The following DLGAP2 variants were observed in gnomAD, a reference collection of about 807,000 sequenced individuals.
The protein encoded by DLGAP2 is disks large-associated protein 2.
Under a neutral mutation model 100.3 loss-of-function variants are expected in DLGAP2, and 26 were observed. The ratio of observed to expected loss-of-function variants is 0.26; its 90% CI spans 0.19 to 0.36. DLGAP2 has a LOEUF of 0.36. Ranked by LOEUF, DLGAP2 falls within the 10% of genes least tolerant of loss-of-function variation. The pLI is 1.00. For synonymous variants in DLGAP2, 886 were observed against 630.1 expected (o/e 1.41, Z -6.08); for missense variants, 1,858 against 1,453.2 (o/e 1.28, Z -4.53).
At chr8:907,441 A>T (rs1399483977) in intron 1 of DLGAP2, among the ~76,000 whole-genome samples, 1 of 152,246 alleles carries the variant, frequency 6.6e-6, no homozygotes, top group South Asian at 2.1e-4. Context: ...ATGAATGTAA[A>T]TACAGCCCTT....
intron 2 of DLGAP2, among the ~76,000 whole-genome samples, chr8:1,133,834 T>C (rs1004752537): frequency 1.3e-5 from 2 of 152,224 alleles, no homozygotes; most frequent in East Asian, 1.9e-4. Flanking sequence ...AAAATCCGTA[T>C]TGGGAATTGA....
chr8:1,254,012 G>C (rs867115366), intron 2 of DLGAP2, among the ~76,000 whole-genome samples: 1 of 152,244 alleles, frequency 6.6e-6, no homozygotes, highest in African/African-American at 2.4e-5. Context: ...GAGAGGTGCG[G>C]AACCACAGTC....
chr8:1,592,514 C>T (rs941285473), intron 6 of DLGAP2, among the ~76,000 whole-genome samples: 11 of 152,006 alleles, frequency 7.2e-5, no homozygotes, highest in African/African-American at 2.4e-4. Context: ...GTCCCCAAAT[C>T]CCATCCGGAT....
intron 5 of DLGAP2, among the ~76,000 whole-genome samples, chr8:1,562,958 C>A (rs1295663944): frequency 1.3e-5 from 1 of 77,678 alleles, no homozygotes; most frequent in African/African-American, 5.8e-5. Context: ...TCCGGGTGTC[C>A]GCGCCTCGTT....
At chr8:1,388,094 G>T (rs1470558455) in intron 3 of DLGAP2, among the ~76,000 whole-genome samples, 1 of 151,148 alleles carries the variant, frequency 6.6e-6, no homozygotes, top group Non-Finnish European at 1.5e-5. Context: ...GGCTGTGAGA[G>T]CAGAGGCCGT....
chr8:913,440 C>T (rs1198855943), intron 2 of DLGAP2, among the ~76,000 whole-genome samples: 1 of 152,242 alleles, frequency 6.6e-6, no homozygotes, highest in East Asian at 1.9e-4. Flanking sequence ...TTTGCGATAG[C>T]TGCTGGCAGT....
chr8:868,345 A>G (rs1797535646), intron 1 of DLGAP2, among the ~76,000 whole-genome samples: 2 of 152,186 alleles, frequency 1.3e-5, no homozygotes, highest in Admixed American at 6.5e-5. Flanking sequence ...ATGTGGATGC[A>G]TGTACTTACA....
intron 2 of DLGAP2, among the ~76,000 whole-genome samples, chr8:1,126,812 G>A (rs980230616): frequency 1.3e-5 from 2 of 151,984 alleles, no homozygotes; most frequent in Non-Finnish European, 2.9e-5. Context: ...AGACTCCCAC[G>A]GGCTCTGGAA....
rs542780477 is a variant in DLGAP2, at chr8:1,628,026, C to T, written c.1590+1139C>T. 2.0e-3 allele frequency among the ~76,000 whole-genome samples: 249 copies of T among 127,124 alleles called. 2 individuals are homozygous for T. The highest frequency in any genetic ancestry group is 7.8e-3 in the African/African-American group (223 of 28,542). The allele number at this position is 127,124 out of a possible 152,430, so 83.4% of individuals were successfully genotyped here. A position where few individuals can be genotyped will look rare whatever the true frequency, so the allele number is the denominator to read the frequency against. ...TGAGCCGACCTCACATTCTGTCTGA[C>T]TTACTGTGGAGCAGGGATTAAGAGC... On this transcript the variant is annotated intron_variant, in intron 7 of 14. Transcript: ENST00000637795.
chr8:1,408,953 A>G (rs979718738), intron 3 of DLGAP2, among the ~76,000 whole-genome samples: 1 of 152,218 alleles, frequency 6.6e-6, no homozygotes, highest in South Asian at 2.1e-4. Flanking sequence ...GTGGACATTT[A>G]ATCGATGTCT....
intron 2 of DLGAP2, among the ~76,000 whole-genome samples, chr8:1,051,129 G>A (rs999036680): frequency 6.6e-6 from 1 of 151,954 alleles, no homozygotes; most frequent in Non-Finnish European, 1.5e-5. Context: ...TTCCATGATG[G>A]CCCTGGATGG....
intron 8 of DLGAP2, 97 bp from the exon 9 acceptor site, chr8:1,668,231 TG>T: frequency 8.6e-7 from 1 of 1,165,418 alleles, no homozygotes; most frequent in South Asian, 1.7e-5. Flanking sequence ...GGAACAGACT[TG>T]CTCCGTCAAC....
intron 6 of DLGAP2, among the ~76,000 whole-genome samples, chr8:1,605,171 G>A (rs1742532137): frequency 6.6e-6 from 1 of 152,082 alleles, no homozygotes; most frequent in Non-Finnish European, 1.5e-5. Context: ...AGCAACATCC[G>A]TGACTTACCC....
At chr8:945,628 C>T (rs1799298651) in intron 2 of DLGAP2, among the ~76,000 whole-genome samples, 1 of 152,028 alleles carries the variant, frequency 6.6e-6, no homozygotes, top group African/African-American at 2.4e-5. Flanking sequence ...GTTTGTTCCC[C>T]CAAAAAGCCT....
chr8:1,433,632 T>G (rs1025693562), intron 3 of DLGAP2, among the ~76,000 whole-genome samples: 1 of 150,934 alleles, frequency 6.6e-6, no homozygotes, highest in Admixed American at 6.6e-5. Flanking sequence ...GACTTGGAAT[T>G]TTTTCTGTAT....
At chr8:949,169 G>T (rs773667096) in intron 2 of DLGAP2, among the ~76,000 whole-genome samples, 1 of 152,244 alleles carries the variant, frequency 6.6e-6, no homozygotes, top group Non-Finnish European at 1.5e-5. Context: ...GGGTGGAAAG[G>T]ACGTGTGGTT....
chr8:1,145,834 A>G (rs373490769), intron 2 of DLGAP2, among the ~76,000 whole-genome samples: 76 of 141,000 alleles, frequency 5.4e-4, no homozygotes, highest in African/African-American at 1.7e-3. Flanking sequence ...TCATTGTTCA[A>G]TTCCCACCTA....
chr8:881,980 G>A (rs987800320), intron 1 of DLGAP2, among the ~76,000 whole-genome samples: 12 of 152,196 alleles, frequency 7.9e-5, no homozygotes, highest in African/African-American at 2.6e-4. Context: ...TCATAGCCTC[G>A]TGTGGTATAT....
At chr8:747,380 G>A (rs948331937) in intron 1 of DLGAP2, among the ~76,000 whole-genome samples, 4 of 151,982 alleles carry the variant, frequency 2.6e-5, no homozygotes, top group Admixed American at 1.3e-4. Flanking sequence ...CCAGTCACGC[G>A]ATGGGCTTCT....
Sources: allele counts gnomAD v4.1 joint callset (sites outside exome capture counted in the v4.1 genomes callset), GRCh38; gene constraint gnomAD v4.1.1; transcripts MANE v1.5; gene names NCBI Gene and HGNC (gene_info 2026-07-23, HGNC 2026-07-21).